KSR2: variants seen among roughly 807,000 people sequenced by gnomAD.
KSR2 encodes kinase suppressor of ras 2.
Under a neutral mutation model 107.8 loss-of-function variants are expected in KSR2, and 25 were observed. The ratio of observed to expected loss-of-function variants is 0.23; its 90% CI spans 0.17 to 0.32. The LOEUF (loss-of-function observed/expected upper bound fraction) is 0.32, where lower values mean the gene tolerates loss of function less well. Ranked by LOEUF, KSR2 falls within the 10% of genes least tolerant of loss-of-function variation. KSR2 has a pLI of 1.00. For synonymous variants in KSR2, 480 were observed against 507.0 expected (o/e 0.95, Z 0.71); for missense variants, 887 against 1,268.9 (o/e 0.70, Z 4.57).
rs1472486596 is a variant in KSR2 at position 117,454,231 on chromosome 12, T to C, written c.*12968A>G. The stretch of plus-strand genomic sequence containing the variant: ...TCCCTCCAATAAACTCAAGGGTTAG[T>C]GATATATTAAGTGCTCGTGGGTTGC... On this transcript the variant is annotated 3_prime_UTR_variant, in exon 20 of 20. Coordinates refer to ENST00000339824, the MANE Select transcript of KSR2 (RefSeq NM_173598.6). 5.9e-5 allele frequency: 9 copies of C among 152,164 alleles called. No homozygotes were observed. Among genetic ancestry groups the C allele is most frequent in the African/African-American group, 2.2e-4 (9 of 41,438 alleles). 9.4% of individuals were successfully genotyped at this position (152,164 alleles called of 1,614,324 possible).
chr12:117,967,394 G>A (rs1896831118), intron 1 of KSR2, among the ~76,000 whole-genome samples: 1 of 152,072 alleles, frequency 6.6e-6, no homozygotes, highest in South Asian at 2.1e-4. Context: ...GCTGATTGAG[G>A]CATATTTTTT....
chr12:117,582,240 C>G (rs12369419), intron 6 of KSR2, 50 bp downstream of exon 6: 261,323 of 1,524,120 alleles, frequency 0.17, 24,073 homozygotes, highest in African/African-American at 0.2. Flanking sequence ...AGCCCCCACC[C>G]CTCACAGAGC....
At chr12:117,867,527 A>T (rs1163345469) in intron 1 of KSR2, among the ~76,000 whole-genome samples, 2 of 152,144 alleles carry the variant, frequency 1.3e-5, no homozygotes, top group African/African-American at 4.8e-5. Flanking sequence ...ACGCCTTTTC[A>T]ATGACGCTGG....
At chr12:117,658,117 T>C (rs1194151947) in intron 5 of KSR2, among the ~76,000 whole-genome samples, 2 of 152,238 alleles carry the variant, frequency 1.3e-5, no homozygotes, top group Non-Finnish European at 2.9e-5. Flanking sequence ...AAGGAATTCA[T>C]GTGACGGGGC....
At chr12:117,636,976 T>C (rs1006491091) in intron 5 of KSR2, among the ~76,000 whole-genome samples, 3 of 152,076 alleles carry the variant, frequency 2.0e-5, no homozygotes, top group Admixed American at 6.6e-5. Context: ...GGTAATTTAA[T>C]AGGAAAAAAT....
chr12:117,927,862 C>T (rs1895577609), intron 1 of KSR2, among the ~76,000 whole-genome samples: 1 of 152,092 alleles, frequency 6.6e-6, no homozygotes, highest in Non-Finnish European at 1.5e-5. Flanking sequence ...TAAAATACAC[C>T]ATTTAAGTGT....
rs200014354 is a variant in KSR2 at position 117,637,682 on chromosome 12, T to TTTTTG, written c.1171+29791_1171+29792insCAAAA. 7.7e-5 allele frequency among the ~76,000 whole-genome samples: 10 copies of TTTTTG among 130,664 alleles called. No individual in the cohort carries two copies. The East Asian group carries it at 9.7e-4, about 13-fold the overall frequency. The allele number at this position is 130,664 out of a possible 152,430, so 85.7% of individuals were successfully genotyped here. ...CCCAGCAGTCAGTTTTGGGTTTTTT[T>TTTTTG]TTTTTTTTTTTTTTTTTGAGACAGA... On this transcript the variant is annotated intron_variant, in intron 5 of 19. Transcript: ENST00000339824.
intron 1 of KSR2, among the ~76,000 whole-genome samples, chr12:117,865,711 C>T (rs1171925340): frequency 1.3e-5 from 2 of 152,126 alleles, no homozygotes; most frequent in East Asian, 3.9e-4. Context: ...GACGTCATGC[C>T]TCGTGCCTTT....
chr12:117,747,957 A>G (rs1333637613), intron 4 of KSR2, among the ~76,000 whole-genome samples: 1 of 152,252 alleles, frequency 6.6e-6, no homozygotes, highest in Admixed American at 6.5e-5. Context: ...CTACATATGT[A>G]TCCAAAGCAA....
At chr12:117,768,983 C>T (rs1057127192) in intron 3 of KSR2, among the ~76,000 whole-genome samples, 1 of 152,104 alleles carries the variant, frequency 6.6e-6, no homozygotes, top group Non-Finnish European at 1.5e-5. Context: ...ACACAGTGGC[C>T]GGTGGCACTG....
intron 1 of KSR2, among the ~76,000 whole-genome samples, chr12:117,902,724 C>T (rs1322712754): frequency 6.6e-6 from 1 of 151,978 alleles, no homozygotes; most frequent in Non-Finnish European, 1.5e-5. Flanking sequence ...GCACATGTAT[C>T]CCAGAACTTA....
At chr12:117,530,250 C>A (rs7954678) in intron 12 of KSR2, among the ~76,000 whole-genome samples, 47,493 of 151,940 alleles carry the variant, frequency 0.31, 7,545 homozygotes, top group South Asian at 0.4. Context: ...GAATAGCCCA[C>A]ATTTTCCAAA....
At chr12:117,965,817 T>C (rs1385881749) in intron 1 of KSR2, among the ~76,000 whole-genome samples, 1 of 152,232 alleles carries the variant, frequency 6.6e-6, no homozygotes, top group East Asian at 1.9e-4. Flanking sequence ...ATCTGCATTT[T>C]AACAAGCACC....
At position 117,521,956 on chromosome 12, in the gene KSR2, TAAC is replaced by T. The variant is rs1355469769; in HGVS notation, c.2219+2893_2219+2895del. On this transcript the variant is annotated intron_variant, in intron 14 of 19. Coordinates refer to ENST00000339824, the MANE Select transcript of KSR2 (RefSeq NM_173598.6). ...AGAGCCCCTCCCTAAGATAAATATA[TAAC>T]AACACAATAATATGGAATCAATGCC... Among the ~76,000 whole-genome samples the T allele has an allele frequency of 7.9e-5, 12 of 152,226 alleles. No homozygotes were observed. In the East Asian group the frequency reaches 1.9e-3, roughly 25 times the overall value.
Position 117,603,482 on chromosome 12 carries a change from C to T in KSR2, c.1172-21123G>A, listed in dbSNP as rs1029080181. Among the ~76,000 whole-genome samples, 12 of 152,236 alleles carry T rather than the reference C, an allele frequency of 7.9e-5. No individual in the cohort carries two copies. In the East Asian group the frequency reaches 1.7e-3, roughly 22 times the overall value. On this transcript the variant is annotated intron_variant, in intron 5 of 19. Coordinates refer to ENST00000339824, the MANE Select transcript of KSR2 (RefSeq NM_173598.6). ...TCAGAGTTGATGAGTGCCTGCCCACCGCCCTTCCTGTCTGGCCTGGAATGT... is the reference window on the plus strand; with the variant it reads ...TCAGAGTTGATGAGTGCCTGCCCACTGCCCTTCCTGTCTGGCCTGGAATGT...
At chr12:117,803,053 A>G (rs1890888454) in intron 3 of KSR2, among the ~76,000 whole-genome samples, 2 of 152,236 alleles carry the variant, frequency 1.3e-5, no homozygotes, top group African/African-American at 4.8e-5. Context: ...TTAATTCACA[A>G]AAAAATATTT....
At chr12:117,795,215 G>C (rs2137001862) in intron 3 of KSR2, among the ~76,000 whole-genome samples, 2 of 152,184 alleles carry the variant, frequency 1.3e-5, no homozygotes, top group Middle Eastern at 6.8e-3. Context: ...TTTATTTCTG[G>C]GACCATTTTC....
At chr12:117,867,645 G>C (rs1328343680) in intron 1 of KSR2, among the ~76,000 whole-genome samples, 1 of 152,194 alleles carries the variant, frequency 6.6e-6, no homozygotes, top group Non-Finnish European at 1.5e-5. Flanking sequence ...TGAAGGATAA[G>C]AGACTACATG....
intron 4 of KSR2, among the ~76,000 whole-genome samples, chr12:117,706,766 C>T: frequency 7.8e-6 from 1 of 127,510 alleles, no homozygotes; most frequent in East Asian, 2.8e-4. Context: ...CCTTAATAAA[C>T]CTGTTAAGAA....
Sources: allele counts gnomAD v4.1 joint callset (sites outside exome capture counted in the v4.1 genomes callset), GRCh38; gene constraint gnomAD v4.1.1; transcripts MANE v1.5; gene names NCBI Gene and HGNC (gene_info 2026-07-23, HGNC 2026-07-21).